Variants in NEXN observed in about 807,000 individuals in gnomAD.
NEXN encodes nexilin.
A neutral mutation model predicts 92.6 loss-of-function variants in NEXN; 65 were observed. The observed-to-expected ratio is 0.70, with a 90% CI of 0.57 to 0.86. The LOEUF (loss-of-function observed/expected upper bound fraction) is 0.86, where lower values mean the gene tolerates loss of function less well. Ranked by LOEUF, NEXN falls within the 40% of genes least tolerant of loss-of-function variation. The pLI is 0.00. For missense variants in NEXN, 778 were observed against 771.1 expected (o/e 1.01, Z -0.11); for synonymous variants, 254 against 242.5 (o/e 1.05, Z -0.44).
intron 1 of NEXN, among the ~76,000 whole-genome samples, 177 bp from the exon 2 acceptor site, chr1:77,915,878 T>C (rs1055204875): frequency 4.6e-5 from 7 of 152,156 alleles, no homozygotes; most frequent in African/African-American, 1.7e-4. Context: ...ATCATGCACC[T>C]TATGTTTTCT....
intron 10 of NEXN, 148 bp downstream of exon 10, chr1:77,933,627 C>A (rs1012651805): frequency 1.4e-5 from 9 of 655,150 alleles, no homozygotes; most frequent in African/African-American, 1.3e-4. Context: ...GGCGTCTGCA[C>A]AATTATGTGT....
chr1:77,939,988 G>A (rs962426830), intron 11 of NEXN, among the ~76,000 whole-genome samples: 2 of 152,076 alleles, frequency 1.3e-5, no homozygotes, highest in Middle Eastern at 3.2e-3. Context: ...GCAGGAGAAC[G>A]GCTTGAACCC....
rs1650121431 is a variant in NEXN, at chr1:77,929,458, G to A, written c.1007G>A (p.Arg336Lys). 1.2e-6 allele frequency: 2 copies of A among 1,613,138 alleles called. No homozygotes were observed. Among genetic ancestry groups the A allele is most frequent in the Non-Finnish European group, 1.7e-6 (2 of 1,179,504 alleles). ...KRKAEEEARR[R>K]IEEEKKAFAE... ...AAAGCAGAAGAAGAAGCCAGAAGGA[G>A]AATAGAGGAAGAAAAGAAGGCGTTT... The change falls in exon 9 of 13, where the codon AGA becomes AAA. Residue 336 changes from arginine to lysine, a missense_variant. Transcript: ENST00000334785.
intron 5 of NEXN, among the ~76,000 whole-genome samples, chr1:77,918,668 G>GAAAAAAAAAAAAAAAAAAAAAAAAAA (rs376219706): frequency 1.3e-5 from 1 of 77,168 alleles, no homozygotes; most frequent in Non-Finnish European, 2.7e-5. Context: ...CTATCTCAAA[G>GAAAAAAAAAAAAAAAAAAAAAAAAAA]AAAAAAAAAA....
chr1:77,927,265 A>G (rs1649927051), intron 8 of NEXN, among the ~76,000 whole-genome samples: 1 of 151,964 alleles, frequency 6.6e-6, no homozygotes, highest in East Asian at 1.9e-4. Flanking sequence ...ACAGAATGAG[A>G]CTGTCTCAAA....
At chr1:77,941,993 A>G in intron 11 of NEXN, 30 bp from the exon 12 acceptor site, 2 of 1,604,344 alleles carry the variant, frequency 1.2e-6, no homozygotes, top group Non-Finnish European at 1.7e-6. Context: ...GAAGGCAAGC[A>G]ATTGTTAATC....
intron 11 of NEXN, among the ~76,000 whole-genome samples, chr1:77,939,996 C>G (rs1250259766): frequency 6.6e-6 from 1 of 152,090 alleles, no homozygotes; most frequent in Non-Finnish European, 1.5e-5. Flanking sequence ...ACGGCTTGAA[C>G]CCGGGAGACA....
At chr1:77,889,355 CT>C (rs35488678) in intron 1 of NEXN, 80,107 of 93,946 alleles carry the variant, frequency 0.85, 34,469 homozygotes, top group Non-Finnish European at 0.88. Context: ...GTCTCCAACC[CT>C]TTTTTTTTTT....
intron 5 of NEXN, among the ~76,000 whole-genome samples, chr1:77,919,135 C>T (rs971080806): frequency 1.3e-5 from 2 of 152,048 alleles, no homozygotes; most frequent in African/African-American, 2.4e-5. Context: ...GATGCAAAAG[C>T]GGAAACCTCT....
chr1:77,912,961 A>T (rs1223059012), intron 1 of NEXN, among the ~76,000 whole-genome samples: 2 of 152,214 alleles, frequency 1.3e-5, no homozygotes, highest in Admixed American at 6.5e-5. Flanking sequence ...TAAAATTAAA[A>T]AATTCTGTTC....
At chr1:77,918,834 G>A (rs939721242) in intron 5 of NEXN, among the ~76,000 whole-genome samples, 16 of 152,074 alleles carry the variant, frequency 1.1e-4, no homozygotes, top group African/African-American at 2.7e-4. Flanking sequence ...TCCTCACCCC[G>A]TCTACATTCC....
Position 77,933,426 on chromosome 1 carries a change from A to G in NEXN, c.1198A>G (p.Lys400Glu). Residue 400 changes from lysine to glutamate, a missense_variant, in exon 10 of 13, where the codon AAG (lysine) becomes GAG (glutamate). Physicochemically the swap from Lys to Glu is moderately conservative, Grantham distance 56. This residue lies in a region of NEXN where 532 missense variants were observed against 476.7 expected (regional missense o/e 1.12). Coordinates refer to ENST00000334785, the MANE Select transcript of NEXN (RefSeq NM_144573.4). ...KRRTEEERKHKLEMEKQEFEQ... is the reference protein window; with the variant it reads ...KRRTEEERKHELEMEKQEFEQ... ...ACGAACAGAGGAGGAACGGAAGCATAAGCTAGAAATGGAGAAACAAGAATT... is the reference window on the plus strand; with the variant it reads ...ACGAACAGAGGAGGAACGGAAGCATGAGCTAGAAATGGAGAAACAAGAATT... 6 of 1,613,550 alleles carry G rather than the reference A, an allele frequency of 3.7e-6. No individual in the cohort carries two copies. The highest frequency in any genetic ancestry group is 4.2e-6 in the Non-Finnish European group (5 of 1,179,646).
At chr1:77,891,549 T>A (rs1030464208) in intron 1 of NEXN, among the ~76,000 whole-genome samples, 4 of 151,750 alleles carry the variant, frequency 2.6e-5, no homozygotes, top group Middle Eastern at 3.2e-3. Context: ...TTGGTGAAAT[T>A]CACTTCTCAC....
chr1:77,918,111 T>TC lies in NEXN; in HGVS notation c.299-13dup. 6.2e-7 allele frequency: 1 copy of TC among 1,613,660 alleles called. No individual in the cohort carries two copies. Among genetic ancestry groups the TC allele is most frequent in the African/African-American group, 1.3e-5 (1 of 75,004 alleles). On this transcript the variant is annotated splice_polypyrimidine_tract_variant and intron_variant, in intron 4 of 12. Transcript: ENST00000334785. Reference sequence around the variant, plus strand: ...CATAACCAAGTATCAAACTTTTTTTTCATATATTTTTAGGAACTGTGAAGG... The same window carrying TC: ...CATAACCAAGTATCAAACTTTTTTTTCCATATATTTTTAGGAACTGTGAAGG...
chr1:77,932,758 C>T (rs1278423671), intron 9 of NEXN, among the ~76,000 whole-genome samples: 6 of 152,214 alleles, frequency 3.9e-5, no homozygotes, highest in Non-Finnish European at 5.9e-5. Context: ...CAAAATACCT[C>T]GGTCTTACAT....
chr1:77,912,238 G>A (rs1648646491), intron 1 of NEXN, among the ~76,000 whole-genome samples: 1 of 152,054 alleles, frequency 6.6e-6, no homozygotes, highest in Non-Finnish European at 1.5e-5. Context: ...AGGGATAACT[G>A]ACAAAAGATG....
At chr1:77,942,280 T>G in intron 12 of NEXN, 72 bp downstream of exon 12, 4 of 1,523,296 alleles carry the variant, frequency 2.6e-6, no homozygotes, top group Middle Eastern at 3.5e-4. Flanking sequence ...ATTAGGTAGG[T>G]TAAAAAAATG....
At chr1:77,908,716 A>G (rs1780045) in intron 1 of NEXN, among the ~76,000 whole-genome samples, 107,536 of 152,066 alleles carry the variant, frequency 0.71, 39,415 homozygotes, top group Non-Finnish European at 0.82. Context: ...TACATTATAT[A>G]TGCTCACTGG....
At chr1:77,914,660 C>G (rs970772056) in intron 1 of NEXN, among the ~76,000 whole-genome samples, 1 of 151,752 alleles carries the variant, frequency 6.6e-6, no homozygotes, top group Non-Finnish European at 1.5e-5. Flanking sequence ...AGTTCGAGAC[C>G]AGCCTAGCCA....
Sources: allele counts gnomAD v4.1 joint callset (sites outside exome capture counted in the v4.1 genomes callset), GRCh38; gene constraint gnomAD v4.1.1; regional missense constraint gnomAD v4.1.1; transcripts MANE v1.5; gene names NCBI Gene and HGNC (gene_info 2026-07-23, HGNC 2026-07-21).